Variants in LUC7L2 observed in about 807,000 individuals in gnomAD.
LUC7L2 encodes putative RNA-binding protein Luc7-like 2.
LUC7L2 carries 25 observed loss-of-function variants against 52.8 expected under a neutral mutation model. That is an observed-to-expected ratio of 0.47 (90% CI 0.34 to 0.66). LUC7L2 has a LOEUF of 0.66. LUC7L2 is among the 30% of genes least tolerant of loss of function. The probability of loss-of-function intolerance (pLI) is 0.01; values close to 1 mark genes in which losing one functional copy is unlikely to be tolerated. For synonymous variants in LUC7L2, 144 were observed against 160.9 expected, an observed-to-expected ratio of 0.89 and a Z score of 0.80; for missense variants, 328 against 497.8, an observed-to-expected ratio of 0.66 and a Z score of 3.25.
rs534891981 is a variant in LUC7L2 at position 139,384,439 on chromosome 7, A to G, written c.156+8283A>G. On this transcript the variant is annotated intron_variant, in intron 2 of 9. Transcript: ENST00000354926. ...CACCACCATGCCCCGCTAATTTCCA[A>G]ATTTAGGTTTGAAGTGTGTTCTTAT... Among the ~76,000 whole-genome samples, 6 of 152,082 alleles carry G rather than the reference A, an allele frequency of 3.9e-5. No individual in the cohort carries two copies. The East Asian group carries it at 1.2e-3, about 29-fold the overall frequency.
At chr7:139,340,685 G>T (rs868196660) in intron 1 of LUC7L2, 2 of 393,234 alleles carry the variant, frequency 5.1e-6, no homozygotes, top group Admixed American at 4.4e-5. Context: ...TTGTGTGAGC[G>T]CGTCGTTTGC....
chr7:139,360,077 G>T lies in LUC7L2; in HGVS notation c.-185G>T. 1.8e-6 allele frequency: 1 copy of T among 548,832 alleles called. No homozygotes were observed. Among genetic ancestry groups the T allele is most frequent in the Non-Finnish European group, 3.2e-6 (1 of 310,854 alleles). 34.0% of individuals were successfully genotyped at this position (548,832 alleles called of 1,614,324 possible). On this transcript the variant is annotated 5_prime_UTR_variant, in exon 1 of 10. Transcript: ENST00000354926. ...GGGGGCTGTCGTCTTCCACGTACAC[G>T]TCGTCGTGAGGAGCGCAGTCCGGAC...
chr7:139,354,097 T>A (rs961330073), intron 1 of LUC7L2, among the ~76,000 whole-genome samples: 7 of 147,246 alleles, frequency 4.8e-5, no homozygotes, highest in African/African-American at 1.8e-4. Flanking sequence ...GCCTGGGCAA[T>A]AGAGACTCGG....
At chr7:139,356,955 T>TA (rs1388746699), upstream of LUC7L2, among the ~76,000 whole-genome samples, 7 of 152,048 alleles carry the variant, frequency 4.6e-5, no homozygotes, top group Non-Finnish European at 1.0e-4. Context: ...AACTTGGTTT[T>TA]AAAAAATAAG....
chr7:139,400,661 T>C (rs535839978), intron 3 of LUC7L2, among the ~76,000 whole-genome samples: 3 of 152,270 alleles, frequency 2.0e-5, no homozygotes, highest in African/African-American at 7.2e-5. Flanking sequence ...TTTATTCTGG[T>C]TTAAGGAACT....
At chr7:139,422,022 T>C (rs1795931056) in intron 9 of LUC7L2, 141 bp from the exon 10 acceptor site, 6 of 1,321,628 alleles carry the variant, frequency 4.5e-6, no homozygotes, top group Non-Finnish European at 5.0e-6. Context: ...GCTCTGTAAT[T>C]TGTCAGAAAA....
In LUC7L2 at chr7:139,353,943, C is replaced by T. The variant is rs960542056; in HGVS notation, c.-26+13426C>T. ...CAGCCTGGGCAACATGGCGAAACCC[C>T]GTCTCTACTAAAAATACAAAAAATT... is the stretch of plus-strand genomic sequence containing the variant. On this transcript the variant is annotated intron_variant, in intron 1 of 10. Coordinates refer to the LUC7L2 transcript ENST00000541170. Among the ~76,000 whole-genome samples the T allele has an allele frequency of 7.2e-5, 11 of 152,002 alleles. No homozygotes were observed. The South Asian group carries it at 1.2e-3, about 17-fold the overall frequency.
At chr7:139,353,274 T>C (rs1799507917) in intron 1 of LUC7L2, among the ~76,000 whole-genome samples, 1 of 152,218 alleles carries the variant, frequency 6.6e-6, no homozygotes, top group Non-Finnish European at 1.5e-5. Context: ...TTAATTTGTA[T>C]GATATAGCCT....
At chr7:139,392,508 T>C (rs1175891305) in intron 2 of LUC7L2, 1 of 334,198 alleles carries the variant, frequency 3.0e-6, no homozygotes, top group African/African-American at 2.2e-5. Context: ...TTTCATGCAG[T>C]AATGGATTCA....
Position 139,341,506 on chromosome 7 carries a change from C to T in LUC7L2, c.-26+989C>T, listed in dbSNP as rs980567869. On this transcript the variant is annotated intron_variant, in intron 1 of 10. Transcript: ENST00000541170. Reference sequence around the variant, plus strand: ...GCGGCCTATCGGTACCTTGTGAAGGCTTTCCGTGCACATCGGGTACGGGAG... The same window carrying T: ...GCGGCCTATCGGTACCTTGTGAAGGTTTTCCGTGCACATCGGGTACGGGAG... The T allele has an allele frequency of 3.1e-6, 5 of 1,613,302 alleles. No homozygotes were observed. The African/African-American group carries it at 5.3e-5, about 17-fold the overall frequency.
chr7:139,370,774 C>A (rs1343742086), intron 1 of LUC7L2, among the ~76,000 whole-genome samples: 3 of 152,176 alleles, frequency 2.0e-5, no homozygotes, highest in African/African-American at 7.2e-5. Flanking sequence ...TTTACTTGTG[C>A]ACTGCTTTAG....
chr7:139,347,747 T>A (rs1799317003), intron 1 of LUC7L2, among the ~76,000 whole-genome samples: 2 of 152,230 alleles, frequency 1.3e-5, no homozygotes, highest in South Asian at 4.1e-4. Flanking sequence ...GGTCTCACTC[T>A]GTTGCCCAGG....
At chr7:139,405,845 AAGT>A (rs1795091348) in intron 5 of LUC7L2, 58 bp downstream of exon 5, 1 of 1,520,176 alleles carries the variant, frequency 6.6e-7, no homozygotes, top group Non-Finnish European at 8.8e-7. Context: ...TACAAATAAA[AAGT>A]AGTAGATGAA....
At chr7:139,400,931 A>G (rs1016380190) in intron 3 of LUC7L2, among the ~76,000 whole-genome samples, 3 of 152,234 alleles carry the variant, frequency 2.0e-5, no homozygotes, top group Admixed American at 6.5e-5. Context: ...GGGTTATCCA[A>G]CTATTTTTGG....
intron 3 of LUC7L2, among the ~76,000 whole-genome samples, chr7:139,400,470 G>A (rs1794859198): frequency 6.6e-6 from 1 of 152,200 alleles, no homozygotes; most frequent in Non-Finnish European, 1.5e-5. Flanking sequence ...TCATGCCACT[G>A]TGCTCCAGCT....
chr7:139,387,576 CA>C (rs1172660883), intron 2 of LUC7L2, among the ~76,000 whole-genome samples: 2 of 152,084 alleles, frequency 1.3e-5, no homozygotes, highest in Non-Finnish European at 2.9e-5. Context: ...GATGAAGTGA[CA>C]TTTGAGATCG....
At chr7:139,410,457 T>C (rs148012702) in intron 7 of LUC7L2, among the ~76,000 whole-genome samples, 13 of 152,312 alleles carry the variant, frequency 8.5e-5, no homozygotes, top group African/African-American at 2.4e-4. Context: ...TCCTCTTACA[T>C]TGGTATTCAT....
At chr7:139,371,224 C>G (rs1482264624) in intron 1 of LUC7L2, among the ~76,000 whole-genome samples, 3 of 152,180 alleles carry the variant, frequency 2.0e-5, no homozygotes, top group Non-Finnish European at 4.4e-5. Context: ...AAGCTCTAAG[C>G]TAATTCTGTA....
At chr7:139,401,665 G>A (rs1385851217) in intron 3 of LUC7L2, among the ~76,000 whole-genome samples, 4 of 151,694 alleles carry the variant, frequency 2.6e-5, no homozygotes, top group South Asian at 2.1e-4. Flanking sequence ...GTTGGCCAGC[G>A]TAGTCTCAAA....
Sources: gnomAD v4.1 joint callset for allele counts (sites outside exome capture counted in the v4.1 genomes callset) on GRCh38, gnomAD v4.1.1 for gene constraint, MANE v1.5 for transcripts, NCBI Gene and HGNC (gene_info 2026-07-23, HGNC 2026-07-21) for gene names.